Variants in PCDHA12 observed in about 807,000 individuals in gnomAD.
The protein encoded by PCDHA12 is protocadherin alpha 12, also known as protocadherin alpha-12.
In PCDHA12, 44 loss-of-function variants were observed where a neutral mutation model predicts 60.0. That is an observed-to-expected ratio of 0.73 (90% CI 0.58 to 0.94). PCDHA12 has a LOEUF of 0.94. Ranked by LOEUF, PCDHA12 falls within the 40% of genes least tolerant of loss-of-function variation. The probability of loss-of-function intolerance (pLI) is 0.00; values close to 1 mark genes in which losing one functional copy is unlikely to be tolerated. For synonymous variants in PCDHA12, 569 were observed against 553.0 expected (o/e 1.03, Z -0.40); for missense variants, 1,276 against 1,239.7 (o/e 1.03, Z -0.44).
chr5:140,884,839 G>T, intron 1 of PCDHA12: 1 of 893,290 alleles, frequency 1.1e-6, no homozygotes, highest in Non-Finnish European at 1.6e-6. Context: ...TTATCCTTCA[G>T]AGTGAAATCT....
rs868923213 is a variant in PCDHA12 at position 140,920,059 on chromosome 5, G to C, written c.2367+42220G>C. 3.9e-5 allele frequency among the ~76,000 whole-genome samples: 6 copies of C among 152,144 alleles called. No individual in the cohort carries two copies. The South Asian group carries it at 6.2e-4, about 16-fold the overall frequency. The stretch of plus-strand genomic sequence containing the variant: ...GTGATGTCAACAGCCACCAACACCT[G>C]GAAAAGGCAGAAACAGATTCTCCGT... On this transcript the variant is annotated intron_variant, in intron 1 of 3. Transcript: ENST00000398631.
intron 1 of PCDHA12, chr5:140,926,327 A>AGAGCGCCGGGACCC (rs1363803647): frequency 6.6e-6 from 1 of 152,258 alleles, no homozygotes; most frequent in African/African-American, 2.4e-5. Context: ...CGCCGGGGTC[A>AGAGCGCCGGGACCC]GAGCGCCGGG....
At chr5:140,928,434 CTT>C (rs1554205890) in intron 1 of PCDHA12, 1 of 1,614,172 alleles carries the variant, frequency 6.2e-7, no homozygotes, top group South Asian at 1.1e-5. Flanking sequence ...CTTCCTTTGA[CTT>C]TGAGCAGCTC....
chr5:140,969,385 C>T, intron 1 of PCDHA12: 1 of 1,598,120 alleles, frequency 6.3e-7, no homozygotes, highest in Non-Finnish European at 8.5e-7. Flanking sequence ...TTACACATCC[C>T]CCAATATCCT....
intron 1 of PCDHA12, chr5:140,929,690 C>T (rs921103809): frequency 1.4e-5 from 4 of 278,364 alleles, no homozygotes; most frequent in Non-Finnish European, 2.8e-5. Context: ...TAAGAGTCTG[C>T]TTTATATGAA....
chr5:140,929,272 T>C (rs560527071), intron 1 of PCDHA12: 1 of 1,607,152 alleles, frequency 6.2e-7, no homozygotes. Flanking sequence ...TTTGCCAATA[T>C]CCTGTATTCA....
chr5:140,906,595 C>T (rs1341854347), intron 1 of PCDHA12, among the ~76,000 whole-genome samples: 1 of 152,218 alleles, frequency 6.6e-6, no homozygotes, highest in Non-Finnish European at 1.5e-5. Context: ...CCTTCCTCTA[C>T]TACTCATTCT....
chr5:140,977,163 AATG>A (rs1554238313), intron 1 of PCDHA12, among the ~76,000 whole-genome samples: 2 of 152,198 alleles, frequency 1.3e-5, no homozygotes, highest in Non-Finnish European at 2.9e-5. Flanking sequence ...CTTTCAGCAA[AATG>A]AGTTTGATGA....
chr5:140,942,588 A>T (rs1416575390), intron 1 of PCDHA12, among the ~76,000 whole-genome samples: 1 of 149,588 alleles, frequency 6.7e-6, no homozygotes, highest in South Asian at 2.1e-4. Flanking sequence ...AGGATGTCAC[A>T]TATAATTATA....
chr5:140,930,466 T>C (rs2086864823), intron 1 of PCDHA12: 1 of 152,352 alleles, frequency 6.6e-6, no homozygotes. Context: ...CAAGTGATCC[T>C]CCCACCTAGG....
chr5:140,889,824 C>A (rs1396428338), intron 1 of PCDHA12, among the ~76,000 whole-genome samples: 3 of 152,102 alleles, frequency 2.0e-5, no homozygotes, highest in African/African-American at 4.8e-5. Context: ...CATAAGAAGT[C>A]TTACAGTATG....
intron 1 of PCDHA12, among the ~76,000 whole-genome samples, chr5:140,923,894 G>A (rs2081566819): frequency 6.6e-6 from 1 of 152,186 alleles, no homozygotes; most frequent in African/African-American, 2.4e-5. Flanking sequence ...AAGAGGAGGA[G>A]TTTCTGTGAA....
chr5:140,926,857 T>C (rs782114974), intron 1 of PCDHA12: 12 of 1,520,736 alleles, frequency 7.9e-6, no homozygotes, highest in Admixed American at 2.2e-5. Context: ...ACCGTTGGTG[T>C]AGCGTGTTGG....
At chr5:140,931,189 C>A (rs2087353658) in intron 1 of PCDHA12, among the ~76,000 whole-genome samples, 1 of 152,112 alleles carries the variant, frequency 6.6e-6, no homozygotes, top group Non-Finnish European at 1.5e-5. Flanking sequence ...GAAATTGGTG[C>A]ACTACAATGC....
chr5:140,883,412 A>G, intron 1 of PCDHA12: 1 of 1,614,152 alleles, frequency 6.2e-7, no homozygotes, highest in African/African-American at 1.3e-5. Context: ...CTCTGGCTCA[A>G]ATGGACAGGT....
At chr5:140,926,860 C>T in intron 1 of PCDHA12, 1 of 1,521,078 alleles carries the variant, frequency 6.6e-7, no homozygotes, top group Non-Finnish European at 8.8e-7. Flanking sequence ...GTTGGTGTAG[C>T]GTGTTGGTGG....
chr5:140,969,007 A>T, intron 1 of PCDHA12: 2 of 1,614,148 alleles, frequency 1.2e-6, no homozygotes, highest in Non-Finnish European at 1.7e-6. Context: ...GCTTCTGTGG[A>T]GTAAGGGAAA....
chr5:140,984,982 G>A lies in PCDHA12; in HGVS notation c.2515+2419G>A, dbSNP rs544151858. On this transcript the variant is annotated intron_variant, in intron 3 of 3. Coordinates refer to ENST00000398631, the MANE Select transcript of PCDHA12 (RefSeq NM_018903.4). ...AGACAGAGTCTCGCTCTGTCCCCCA[G>A]GCTGGAGTCCAGTGGCACGATATCG... Among the ~76,000 whole-genome samples the A allele has an allele frequency of 1.1e-3, 174 of 152,116 alleles. 2 individuals are homozygous for A. In the South Asian group the frequency reaches 0.016, roughly 14 times the overall value.
At chr5:140,939,011 CT>C (rs1302482579) in intron 1 of PCDHA12, among the ~76,000 whole-genome samples, 3 of 152,262 alleles carry the variant, frequency 2.0e-5, no homozygotes, top group South Asian at 2.1e-4. Flanking sequence ...AGAAGTGTTA[CT>C]TTTCTTTTAC....
Sources: gnomAD v4.1 joint callset for allele counts (sites outside exome capture counted in the v4.1 genomes callset) on GRCh38, gnomAD v4.1.1 for gene constraint, MANE v1.5 for transcripts, NCBI Gene and HGNC (gene_info 2026-07-23, HGNC 2026-07-21) for gene names.